Variants in SLC17A8 observed in about 807,000 individuals in gnomAD.
The protein encoded by SLC17A8 is vesicular glutamate transporter 3.
A neutral mutation model predicts 58.0 loss-of-function variants in SLC17A8; 31 were observed. The observed-to-expected ratio is 0.53, with a 90% CI of 0.40 to 0.72. SLC17A8 has a LOEUF of 0.72. Among genes scored for constraint, SLC17A8 ranks in the 30% least tolerant of loss-of-function variants. The probability of loss-of-function intolerance (pLI) is 0.00; values close to 1 mark genes in which losing one functional copy is unlikely to be tolerated. For missense variants in SLC17A8, 655 were observed against 727.8 expected (o/e 0.90, Z 1.15); for synonymous variants, 228 against 249.0 (o/e 0.92, Z 0.79).
chr12:100,416,084 T>C (rs1341637111), intron 10 of SLC17A8, among the ~76,000 whole-genome samples: 2 of 152,210 alleles, frequency 1.3e-5, no homozygotes, highest in Non-Finnish European at 2.9e-5. Context: ...TTTTGGGAAA[T>C]GTCCTATACA....
At chr12:100,392,329 A>G (rs555026280) in intron 3 of SLC17A8, among the ~76,000 whole-genome samples, 2 of 152,292 alleles carry the variant, frequency 1.3e-5, no homozygotes, top group African/African-American at 4.8e-5. Context: ...AATAGAAAAT[A>G]TCTGAATGCA....
chr12:100,395,937 G>A (rs1952750583), intron 4 of SLC17A8, among the ~76,000 whole-genome samples: 1 of 152,210 alleles, frequency 6.6e-6, no homozygotes, highest in African/African-American at 2.4e-5. Context: ...TTACAGTTCT[G>A]GAGGCTGAGG....
intron 5 of SLC17A8, among the ~76,000 whole-genome samples, chr12:100,397,523 G>T (rs900868133): frequency 3.3e-5 from 5 of 152,166 alleles, no homozygotes; most frequent in Non-Finnish European, 7.3e-5. Flanking sequence ...CTACCCCTGT[G>T]GGACAGGCCT....
In SLC17A8 at chr12:100,370,471, A is replaced by G. The variant is rs374593703; in HGVS notation, c.102-10230A>G. On this transcript the variant is annotated intron_variant, in intron 1 of 11. Coordinates refer to ENST00000323346, the MANE Select transcript of SLC17A8 (RefSeq NM_139319.3). ...CACCACCATGTCCAGCTAATTTTGT[A>G]TTTATAATAGAGATGGAGTTTTGCC... Among the ~76,000 whole-genome samples, 40 of 150,676 alleles carry G rather than the reference A, an allele frequency of 2.7e-4. 1 individual carries two copies. The highest frequency in any genetic ancestry group is 9.5e-4 in the African/African-American group (39 of 40,954).
intron 2 of SLC17A8, among the ~76,000 whole-genome samples, chr12:100,384,285 TGAAACTGGCTCGAGTTAAAAGGG>T (rs1861699917): frequency 1.3e-5 from 2 of 151,988 alleles, no homozygotes; most frequent in Admixed American, 6.6e-5. Context: ...AAATGTGCAG[TGAAACTGGCTCGAGTTAAAAGGG>T]GATTATTGGG....
chr12:100,374,557 A>G (rs2135979299), intron 1 of SLC17A8, among the ~76,000 whole-genome samples: 1 of 152,328 alleles, frequency 6.6e-6, no homozygotes, highest in Admixed American at 6.5e-5. Context: ...AGTTGCAGTG[A>G]GCCAAGATTG....
At position 100,357,378 on chromosome 12, in the gene SLC17A8, GC is replaced by G. The variant is rs1952453847; in HGVS notation, c.-10del. 1 of 1,413,216 alleles carries G rather than the reference GC, an allele frequency of 7.1e-7. No individual in the cohort carries two copies. The highest frequency in any genetic ancestry group is 1.0e-6 in the Non-Finnish European group (1 of 996,720). The allele number at this position is 1,413,216 out of a possible 1,614,324, so 87.5% of individuals were successfully genotyped here. On this transcript the variant is annotated 5_prime_UTR_variant, in exon 1 of 12. Coordinates refer to ENST00000323346, the MANE Select transcript of SLC17A8 (RefSeq NM_139319.3). ...GACTGACTGTTAACGGCTCAGAGGT[GC>G]CCCTCATTCAAAATGCCTTTTAAAG... is the stretch of plus-strand genomic sequence containing the variant.
At chr12:100,378,306 C>T (rs1350578503) in intron 1 of SLC17A8, among the ~76,000 whole-genome samples, 1 of 152,128 alleles carries the variant, frequency 6.6e-6, no homozygotes. Flanking sequence ...AATGCTGCTG[C>T]TAGGTTGATT....
chr12:100,396,990 T>G (rs571193321), intron 5 of SLC17A8, among the ~76,000 whole-genome samples: 33 of 152,264 alleles, frequency 2.2e-4, no homozygotes, highest in African/African-American at 7.5e-4. Context: ...TCTGTCCCTT[T>G]CATCAGGAAA....
intron 1 of SLC17A8, among the ~76,000 whole-genome samples, chr12:100,374,522 G>T (rs1024790464): frequency 6.6e-6 from 1 of 152,200 alleles, no homozygotes; most frequent in African/African-American, 2.4e-5. Flanking sequence ...TGAGGCACAA[G>T]AATTGCTTGA....
chr12:100,384,985 C>A (rs2135989762), intron 2 of SLC17A8, among the ~76,000 whole-genome samples: 1 of 152,236 alleles, frequency 6.6e-6, no homozygotes, highest in African/African-American at 2.4e-5. Flanking sequence ...TGCCTTGAGC[C>A]TTTGTCTTGC....
At chr12:100,384,464 ATGG>A (rs1409529041) in intron 2 of SLC17A8, among the ~76,000 whole-genome samples, 2 of 152,154 alleles carry the variant, frequency 1.3e-5, no homozygotes, top group East Asian at 3.9e-4. Context: ...TTGGCCAGAC[ATGG>A]TGGCGCACAC....
At chr12:100,411,439 C>T (rs577821184) in intron 9 of SLC17A8, among the ~76,000 whole-genome samples, 3 of 152,140 alleles carry the variant, frequency 2.0e-5, no homozygotes, top group East Asian at 1.9e-4. Flanking sequence ...AAGATCATGC[C>T]GTTGCACTCC....
chr12:100,419,939 A>C lies in SLC17A8; in HGVS notation c.1550A>C (p.Glu517Ala). Reference sequence around the variant, plus strand: ...TGGGCTGACCCAGAGAATCTCTCTGAGGAGAAATGTGGAATCATTGACCAG... The same window carrying C: ...TGGGCTGACCCAGAGAATCTCTCTGCGGAGAAATGTGGAATCATTGACCAG... ...QEWADPENLS[E>A]EKCGIIDQDE... The change falls in exon 12 of 12, where the codon GAG becomes GCG. Residue 517 changes from glutamate (E) to alanine (A), a missense_variant. Transcript: ENST00000323346. 1 of 1,614,092 alleles carries C rather than the reference A, an allele frequency of 6.2e-7. No homozygotes were observed.
At chr12:100,360,427 C>T (rs12318520) in intron 1 of SLC17A8, among the ~76,000 whole-genome samples, 31,365 of 152,016 alleles carry the variant, frequency 0.21, 3,518 homozygotes, top group African/African-American at 0.27. Flanking sequence ...GAGGGGATTA[C>T]TATAATTACA....
At chr12:100,413,523 G>A (rs1218769137) in intron 10 of SLC17A8, among the ~76,000 whole-genome samples, 1 of 152,078 alleles carries the variant, frequency 6.6e-6, no homozygotes, top group Non-Finnish European at 1.5e-5. Flanking sequence ...ACCCTGCTGG[G>A]TATCAGTGCT....
Position 100,418,010 on chromosome 12 carries a change from G to A in SLC17A8, c.1298-19G>A, listed in dbSNP as rs777689657. On this transcript the variant is annotated intron_variant, in intron 10 of 11. Transcript: ENST00000323346. Reference sequence around the variant, plus strand: ...ATTCTGTTCTTGACTCTGATTTTGAGGTTTTGGCTTCACTGTAGGTTTTAA... The same window carrying A: ...ATTCTGTTCTTGACTCTGATTTTGAAGTTTTGGCTTCACTGTAGGTTTTAA... The A allele has an allele frequency of 4.3e-6, 7 of 1,614,126 alleles. No homozygotes were observed. Among genetic ancestry groups the A allele is most frequent in the Non-Finnish European group, 5.1e-6 (6 of 1,180,018 alleles).
At chr12:100,397,761 G>C (rs749397208) in intron 5 of SLC17A8, among the ~76,000 whole-genome samples, 4 of 152,086 alleles carry the variant, frequency 2.6e-5, no homozygotes, top group Non-Finnish European at 4.4e-5. Context: ...GGGCAACATG[G>C]TGAAACCCCA....
chr12:100,367,332 A>G (rs1952526647), intron 1 of SLC17A8, among the ~76,000 whole-genome samples: 1 of 152,240 alleles, frequency 6.6e-6, no homozygotes, highest in Admixed American at 6.5e-5. Flanking sequence ...ACTTAAAGGA[A>G]TAGAAGATAG....
Sources: allele counts gnomAD v4.1 joint callset (sites outside exome capture counted in the v4.1 genomes callset), GRCh38; gene constraint gnomAD v4.1.1; transcripts MANE v1.5; gene names NCBI Gene and HGNC (gene_info 2026-07-23, HGNC 2026-07-21).